The following CELF2 variants were observed in gnomAD, a reference collection of about 807,000 sequenced individuals.
CELF2 encodes the protein CUGBP Elav-like family member 2.
A neutral mutation model predicts 62.6 loss-of-function variants in CELF2; 8 were observed. The ratio of observed to expected loss-of-function variants is 0.13; its 90% CI spans 0.07 to 0.23. The LOEUF (loss-of-function observed/expected upper bound fraction) is 0.23. Ranked by LOEUF, CELF2 falls within the 10% of genes least tolerant of loss-of-function variation. CELF2 has a pLI of 1.00. For missense variants in CELF2, 333 were observed against 671.0 expected, an observed-to-expected ratio of 0.50 and a Z score of 5.56; for synonymous variants, 258 against 250.0, an observed-to-expected ratio of 1.03 and a Z score of -0.30.
At chr10:10,531,661 T>C in the CELF2 span, among the ~76,000 whole-genome samples, 1 of 152,192 alleles carries the variant, frequency 6.6e-6, no homozygotes, top group Non-Finnish European at 1.5e-5. Context: ...GATCTGTGTG[T>C]GAATTCTGCG....
At chr10:10,768,321 T>A in the CELF2 span, among the ~76,000 whole-genome samples, 1 of 152,090 alleles carries the variant, frequency 6.6e-6, no homozygotes, top group Non-Finnish European at 1.5e-5. Flanking sequence ...AGCAAAGCCC[T>A]GCATGGGATT....
the CELF2 span, among the ~76,000 whole-genome samples, chr10:10,605,302 G>C: frequency 6.6e-6 from 1 of 152,132 alleles, no homozygotes; most frequent in Non-Finnish European, 1.5e-5. Flanking sequence ...AGAGCATTAG[G>C]GAAAGGACCT....
intron 1 of CELF2, among the ~76,000 whole-genome samples, chr10:11,029,537 C>G (rs1355886349): frequency 6.6e-6 from 1 of 152,220 alleles, no homozygotes; most frequent in African/African-American, 2.4e-5. Context: ...TGTGGAGAAG[C>G]TCTCTGGGCT....
At position 11,223,846 on chromosome 10, in the gene CELF2, A is replaced by AGGCCCC. The variant is rs1290040801; in HGVS notation, c.354+6340_354+6345dup. Among the ~76,000 whole-genome samples the AGGCCCC allele has an allele frequency of 6.6e-6, 1 of 152,236 alleles. No individual in the cohort carries two copies. On this transcript the variant is annotated intron_variant, in intron 3 of 12. Coordinates refer to ENST00000633077, the MANE Select transcript of CELF2 (RefSeq NM_001326342.2). This position sits in a 1 kb window ranked among gnomAD's most constrained non-coding sequence, Gnocchi z 5.1. ...CCAGTGAGTTCCATTCTGCAGGCCC[A>AGGCCCC]GGCCCCAGGGCAATGGGAAAGTATA...
intron 2 of CELF2, among the ~76,000 whole-genome samples, chr10:10,935,618 G>A (rs1196859972): frequency 6.6e-6 from 1 of 152,132 alleles, no homozygotes; most frequent in Non-Finnish European, 1.5e-5. Context: ...AGTTAACAAA[G>A]ATATGTTCCC....
the CELF2 span, among the ~76,000 whole-genome samples, chr10:10,753,189 C>T: frequency 3.3e-5 from 5 of 151,852 alleles, no homozygotes; most frequent in Admixed American, 2.0e-4. Flanking sequence ...TAAGTCACAC[C>T]GTGAAACACA....
At chr10:10,889,673 G>A (rs1187259235) in intron 1 of CELF2, among the ~76,000 whole-genome samples, 3 of 152,126 alleles carry the variant, frequency 2.0e-5, no homozygotes, top group Admixed American at 1.3e-4. Flanking sequence ...CCTGGCATGG[G>A]CACTGGTATT....
chr10:11,210,860 A>C (rs544212921), intron 2 of CELF2, among the ~76,000 whole-genome samples: 1 of 152,216 alleles, frequency 6.6e-6, no homozygotes, highest in African/African-American at 2.4e-5. Flanking sequence ...GAATTTGATC[A>C]TTGCGCTTTG....
intron 9 of CELF2, among the ~76,000 whole-genome samples, chr10:11,292,427 A>G (rs2092645747): frequency 6.6e-6 from 1 of 152,234 alleles, no homozygotes; most frequent in East Asian, 1.9e-4. Flanking sequence ...TGGCCTTTCC[A>G]TTGACAGGGG....
At chr10:11,219,938 C>T (rs1352730814) in intron 3 of CELF2, among the ~76,000 whole-genome samples, 1 of 152,224 alleles carries the variant, frequency 6.6e-6, no homozygotes, top group East Asian at 1.9e-4. Flanking sequence ...TGTGCTAAAT[C>T]TCTCATTAAA....
intron 1 of CELF2, among the ~76,000 whole-genome samples, chr10:10,809,553 A>G (rs901265383): frequency 6.6e-6 from 1 of 152,224 alleles, no homozygotes; most frequent in Non-Finnish European, 1.5e-5. Context: ...TAATCTTCAG[A>G]CACTCTATAC....
Position 10,820,344 on chromosome 10 carries a change from A to G in CELF2, c.53+21527A>G, listed in dbSNP as rs184101477. ...CTGTAACTTGTCCTGCACAGAATTCATTGCTCCAACTCTCTGCATTGTCCA... is the reference window on the plus strand; with the variant it reads ...CTGTAACTTGTCCTGCACAGAATTCGTTGCTCCAACTCTCTGCATTGTCCA... On this transcript the variant is annotated intron_variant, in intron 1 of 13. Coordinates refer to the CELF2 transcript ENST00000636488. 1.3e-4 allele frequency among the ~76,000 whole-genome samples: 20 copies of G among 152,316 alleles called. No individual in the cohort carries two copies. In the East Asian group the frequency reaches 3.9e-3, roughly 29 times the overall value.
At position 10,995,745 on chromosome 10, in the gene CELF2, C is replaced by T. The variant is rs2053883627; in HGVS notation, c.89+75746C>T. Among the ~76,000 whole-genome samples, 2 of 152,108 alleles carry T rather than the reference C, an allele frequency of 1.3e-5. No individual in the cohort carries two copies. The highest frequency in any genetic ancestry group is 4.1e-4 in the South Asian group (2 of 4,826). On this transcript the variant is annotated intron_variant, in intron 2 of 13. Transcript: ENST00000636488. The surrounding 1 kb of genome is among the most constrained non-coding windows in gnomAD (Gnocchi z 4.7). ...GGATCAGAGCCAGAGAGACTAGGGA[C>T]AGGGAGATTCCTTATGAGGTCTGAT...
rs961502374 is a variant in CELF2, at chr10:11,255,437, A to G, written c.404-2301A>G. Among the ~76,000 whole-genome samples the G allele has an allele frequency of 6.6e-6, 1 of 152,068 alleles. No homozygotes were observed. The highest frequency in any genetic ancestry group is 2.4e-5 in the African/African-American group (1 of 41,408). On this transcript the variant is annotated intron_variant, in intron 4 of 12. Transcript: ENST00000633077. The surrounding 1 kb of genome is among the most constrained non-coding windows in gnomAD (Gnocchi z 5.5). ...CCAAGCCAGGTCCCTACTGCCCCGC[A>G]CTGTGCACCTTGCCTGGTTAGGACC...
the CELF2 span, among the ~76,000 whole-genome samples, chr10:10,696,261 C>G: frequency 6.6e-6 from 1 of 151,856 alleles, no homozygotes. Context: ...AGTACCCTGC[C>G]GTGTGAGGTG....
the CELF2 span, among the ~76,000 whole-genome samples, chr10:10,738,029 AG>A: frequency 6.6e-6 from 1 of 152,136 alleles, no homozygotes; most frequent in Non-Finnish European, 1.5e-5. Context: ...AGAAATAGAA[AG>A]CTCTCACCCA....
At chr10:10,861,072 C>G (rs1482175641) in intron 1 of CELF2, among the ~76,000 whole-genome samples, 1 of 152,140 alleles carries the variant, frequency 6.6e-6, no homozygotes, top group Non-Finnish European at 1.5e-5. Flanking sequence ...AGGTGTACTC[C>G]ACCATACCCA....
At chr10:11,114,202 G>C (rs2055976738) in intron 1 of CELF2, among the ~76,000 whole-genome samples, 1 of 152,124 alleles carries the variant, frequency 6.6e-6, no homozygotes, top group South Asian at 2.1e-4. Flanking sequence ...AAAGGGCCAG[G>C]TGCTCAGAAC....
At chr10:10,572,901 G>C in the CELF2 span, among the ~76,000 whole-genome samples, 1 of 152,124 alleles carries the variant, frequency 6.6e-6, no homozygotes, top group East Asian at 1.9e-4. Context: ...GGGTCAAATG[G>C]TATTTCTGGT....
Sources: gnomAD v4.1 joint callset for allele counts (sites outside exome capture counted in the v4.1 genomes callset) on GRCh38, gnomAD v4.1.1 for gene constraint, Gnocchi (gnomAD v3.1) non-coding constraint, MANE v1.5 for transcripts, NCBI Gene and HGNC (gene_info 2026-07-23, HGNC 2026-07-21) for gene names.